NALF1: variants seen among roughly 807,000 people sequenced by gnomAD.
NALF1 encodes the protein family with sequence similarity 155 member A.
A neutral mutation model predicts 48.4 loss-of-function variants in NALF1; 3 were observed. The ratio of observed to expected loss-of-function variants is 0.06; its 90% CI spans 0.03 to 0.16. NALF1 has a LOEUF of 0.16. Ranked by LOEUF, NALF1 falls within the 10% of genes least tolerant of loss-of-function variation. The probability of loss-of-function intolerance (pLI) is 1.00; values close to 1 mark genes in which losing one functional copy is unlikely to be tolerated. For missense variants in NALF1, 526 were observed against 571.5 expected (o/e 0.92, Z 0.81); for synonymous variants, 262 against 245.7 (o/e 1.07, Z -0.62).
chr13:107,729,278 G>C (rs1334490761), intron 1 of NALF1, among the ~76,000 whole-genome samples: 1 of 152,086 alleles, frequency 6.6e-6, no homozygotes, highest in Non-Finnish European at 1.5e-5. Context: ...TTTACCATCT[G>C]ACAATTTATG....
At chr13:107,742,781 A>G (rs986951758) in intron 1 of NALF1, among the ~76,000 whole-genome samples, 1 of 152,202 alleles carries the variant, frequency 6.6e-6, no homozygotes, top group African/African-American at 2.4e-5. Flanking sequence ...TGCCAAGTCC[A>G]TTTTGCTCAT....
intron 1 of NALF1, among the ~76,000 whole-genome samples, chr13:107,300,003 G>A (rs914951767): frequency 9.9e-5 from 15 of 152,114 alleles, no homozygotes; most frequent in Admixed American, 3.3e-4. Flanking sequence ...GGTATTTACA[G>A]AAAGAAGGTA....
chr13:107,475,368 G>A (rs1347320523), intron 1 of NALF1, among the ~76,000 whole-genome samples: 1 of 152,176 alleles, frequency 6.6e-6, no homozygotes, highest in Admixed American at 6.5e-5. Flanking sequence ...TTGAAGGTTT[G>A]CGTTAGTTTT....
In NALF1 at chr13:107,170,488, G is replaced by A. The variant is rs368790483; in HGVS notation, c.*9C>T. The A allele has an allele frequency of 3.2e-6, 5 of 1,582,276 alleles. No individual in the cohort carries two copies. The highest frequency in any genetic ancestry group is 2.3e-5 in the East Asian group (1 of 44,332). On this transcript the variant is annotated 3_prime_UTR_variant, in exon 3 of 3. Coordinates refer to ENST00000375915, the MANE Select transcript of NALF1 (RefSeq NM_001080396.3). The stretch of plus-strand genomic sequence containing the variant: ...GCCAGCTGCTGCTGTGGTGACACTC[G>A]TCCTTCCGTTACTCCTCATTGGTTG...
intron 1 of NALF1, among the ~76,000 whole-genome samples, chr13:107,267,750 T>C (rs374484785): frequency 6.6e-6 from 1 of 152,294 alleles, no homozygotes; most frequent in East Asian, 1.9e-4. Context: ...CCCTTGTGCT[T>C]TGGGCCATTC....
rs1879996941 is a variant in NALF1 at position 107,637,049 on chromosome 13, C to G, written c.915+228633G>C. On this transcript the variant is annotated intron_variant, in intron 1 of 2. Transcript: ENST00000375915. The stretch of plus-strand genomic sequence containing the variant: ...GTTGCAACTGCCTACGGTATCAGTA[C>G]AGTAAGATGCTATACAGATTTGCAG... 1.3e-5 allele frequency among the ~76,000 whole-genome samples: 2 copies of G among 151,748 alleles called. 1 individual carries two copies. The highest frequency in any genetic ancestry group is 1.3e-4 in the Admixed American group (2 of 15,212).
At chr13:107,756,369 G>C (rs1877092322) in intron 1 of NALF1, among the ~76,000 whole-genome samples, 1 of 151,270 alleles carries the variant, frequency 6.6e-6, no homozygotes, top group African/African-American at 2.4e-5. Flanking sequence ...ACCTTGAAGA[G>C]CAAGGATGTA....
At chr13:107,269,969 T>A (rs906978211) in intron 1 of NALF1, among the ~76,000 whole-genome samples, 3 of 140,336 alleles carry the variant, frequency 2.1e-5, no homozygotes, top group South Asian at 2.4e-4. Context: ...ACGGAGTTTC[T>A]CCGTGTTAGC....
intron 1 of NALF1, among the ~76,000 whole-genome samples, chr13:107,420,801 C>T (rs933016119): frequency 3.9e-5 from 6 of 152,158 alleles, no homozygotes; most frequent in Non-Finnish European, 8.8e-5. Context: ...GGGTATCCAT[C>T]ACCTGAATAA....
intron 1 of NALF1, among the ~76,000 whole-genome samples, chr13:107,270,568 A>T (rs1211761518): frequency 6.6e-6 from 1 of 152,010 alleles, no homozygotes; most frequent in Non-Finnish European, 1.5e-5. Context: ...TAAATATAAA[A>T]CTAAATTATT....
At chr13:107,337,043 C>CAAAAAAAAA (rs60969406) in intron 1 of NALF1, among the ~76,000 whole-genome samples, 2 of 114,830 alleles carry the variant, frequency 1.7e-5, no homozygotes, top group African/African-American at 4.0e-5. Flanking sequence ...TTTCATTCCC[C>CAAAAAAAAA]AAAAAAAAAA....
chr13:107,176,611 C>T (rs919995588), intron 2 of NALF1, among the ~76,000 whole-genome samples: 1 of 151,646 alleles, frequency 6.6e-6, no homozygotes, highest in African/African-American at 2.4e-5. Flanking sequence ...CACTGCACTC[C>T]AGCCTGGGCA....
At chr13:107,559,276 C>T (rs540776960) in intron 1 of NALF1, among the ~76,000 whole-genome samples, 5 of 152,060 alleles carry the variant, frequency 3.3e-5, no homozygotes, top group South Asian at 4.2e-4. Context: ...GAAAACAGTC[C>T]GGATAAGGAG....
chr13:107,716,288 G>C (rs888408160), intron 1 of NALF1, among the ~76,000 whole-genome samples: 3 of 152,174 alleles, frequency 2.0e-5, no homozygotes, highest in African/African-American at 7.2e-5. Flanking sequence ...CGAGAGCAGT[G>C]CTCCCTGATT....
chr13:107,541,814 T>C (rs1877008202), intron 1 of NALF1, among the ~76,000 whole-genome samples: 1 of 152,138 alleles, frequency 6.6e-6, no homozygotes, highest in East Asian at 1.9e-4. Flanking sequence ...TCCTCAATGA[T>C]GATGGCTTTG....
At chr13:107,382,200 A>G (rs1883452884) in intron 1 of NALF1, among the ~76,000 whole-genome samples, 2 of 152,212 alleles carry the variant, frequency 1.3e-5, no homozygotes, top group South Asian at 4.1e-4. Flanking sequence ...CTGTAACACC[A>G]TGACCCAGTT....
chr13:107,603,174 G>A (rs1878978625), intron 1 of NALF1, among the ~76,000 whole-genome samples: 1 of 151,948 alleles, frequency 6.6e-6, no homozygotes, highest in African/African-American at 2.4e-5. Flanking sequence ...TTAATTATTA[G>A]TTTTACAATT....
intron 1 of NALF1, among the ~76,000 whole-genome samples, chr13:107,428,977 A>G (rs1884328689): frequency 6.6e-6 from 1 of 152,202 alleles, no homozygotes; most frequent in Non-Finnish European, 1.5e-5. Flanking sequence ...TGTCCTAATA[A>G]TATAACCATA....
chr13:107,338,550 C>T (rs1307486234), intron 1 of NALF1, among the ~76,000 whole-genome samples: 4 of 152,094 alleles, frequency 2.6e-5, no homozygotes, highest in Admixed American at 1.3e-4. Context: ...CCTTGACCAT[C>T]GATTGATATA....
Sources: allele counts gnomAD v4.1 joint callset (sites outside exome capture counted in the v4.1 genomes callset), GRCh38; gene constraint gnomAD v4.1.1; transcripts MANE v1.5; gene names NCBI Gene and HGNC (gene_info 2026-07-23, HGNC 2026-07-21).